The following CLASP2 variants were observed in gnomAD, a reference collection of about 807,000 sequenced individuals.
The protein encoded by CLASP2 is cytoplasmic linker associated protein 2, also known as CLIP-associating protein 2.
In CLASP2, 47 loss-of-function variants were observed where a neutral mutation model predicts 194.4. That is an observed-to-expected ratio of 0.24 (90% confidence interval 0.19 to 0.31). The LOEUF is 0.31. Among genes scored for constraint, CLASP2 ranks in the 10% least tolerant of loss-of-function variants. The pLI, the probability that CLASP2 is intolerant of heterozygous loss-of-function variation, is 1.00. For missense variants in CLASP2, 1,445 were observed against 1,823.6 expected (o/e 0.79, Z 3.78); for synonymous variants, 619 against 633.5 (o/e 0.98, Z 0.34).
In CLASP2 at chr3:33,663,435, T is replaced by A. The variant is rs759090936; in HGVS notation, c.715+10A>T. ...GTCTTAGAAATGTTTGAGAGCTTAA[T>A]TACTCTTACCTTTGCAGACACTCAA... On this transcript the variant is annotated intron_variant, in intron 7 of 38. Transcript: ENST00000682230. 1 of 1,606,634 alleles carries A rather than the reference T, an allele frequency of 6.2e-7. No homozygotes were observed. The highest frequency in any genetic ancestry group is 1.3e-5 in the African/African-American group (1 of 74,842).
At chr3:33,652,545 T>C (rs566593872) in intron 7 of CLASP2, among the ~76,000 whole-genome samples, 26 of 152,214 alleles carry the variant, frequency 1.7e-4, no homozygotes, top group Non-Finnish European at 3.1e-4. Context: ...CAATTAAATG[T>C]TGAATATTCT....
intron 32 of CLASP2, among the ~76,000 whole-genome samples, chr3:33,540,522 G>A (rs1473440036): frequency 6.6e-6 from 1 of 152,074 alleles, no homozygotes; most frequent in African/African-American, 2.4e-5. Flanking sequence ...GATTGCAAGT[G>A]TGAGCCATTC....
At chr3:33,503,949 C>T (rs769379240) in intron 37 of CLASP2, 3 of 152,168 alleles carry the variant, frequency 2.0e-5, no homozygotes, top group African/African-American at 7.2e-5. Context: ...CATCTTTTCA[C>T]GTACTTGCTG....
chr3:33,637,622 T>C (rs1008670561), intron 8 of CLASP2, among the ~76,000 whole-genome samples: 3 of 152,218 alleles, frequency 2.0e-5, no homozygotes, highest in African/African-American at 7.2e-5. Flanking sequence ...TTCATTTACA[T>C]TTCCCAGAGA....
chr3:33,589,169 A>G (rs2068082693), intron 21 of CLASP2, among the ~76,000 whole-genome samples: 1 of 150,692 alleles, frequency 6.6e-6, no homozygotes, highest in South Asian at 2.1e-4. Flanking sequence ...AAGATGCACC[A>G]AGAAAAACAA....
chr3:33,513,348 T>G (rs2050446004), intron 36 of CLASP2, among the ~76,000 whole-genome samples: 1 of 151,944 alleles, frequency 6.6e-6, no homozygotes, highest in Non-Finnish European at 1.5e-5. Context: ...AGACCAGCCT[T>G]GCAAACACAG....
At chr3:33,670,450 G>A (rs578215887) in intron 6 of CLASP2, among the ~76,000 whole-genome samples, 1 of 152,280 alleles carries the variant, frequency 6.6e-6, no homozygotes, top group South Asian at 2.1e-4. Context: ...TTTTTAAAAA[G>A]TAATTCCTGC....
intron 10 of CLASP2, 60 bp from the exon 11 acceptor site, chr3:33,622,340 C>T (rs1355724686): frequency 2.2e-5 from 29 of 1,318,542 alleles, no homozygotes; most frequent in Non-Finnish European, 9.9e-6. Context: ...AAAGAAGCTA[C>T]CTAAACTTCA....
chr3:33,610,295 T>C (rs2074875299), intron 13 of CLASP2, among the ~76,000 whole-genome samples: 1 of 152,176 alleles, frequency 6.6e-6, no homozygotes, highest in South Asian at 2.1e-4. Flanking sequence ...AAAATTCCTT[T>C]TCATAACATT....
intron 7 of CLASP2, chr3:33,659,466 T>G: frequency 4.3e-6 from 4 of 939,490 alleles, no homozygotes; most frequent in Non-Finnish European, 5.1e-6. Context: ...GATTAACTGA[T>G]TTGCGCCTTT....
intron 7 of CLASP2, among the ~76,000 whole-genome samples, chr3:33,654,068 A>G (rs769410677): frequency 6.6e-6 from 1 of 152,110 alleles, no homozygotes; most frequent in Non-Finnish European, 1.5e-5. Context: ...CTACTGAAGA[A>G]TAACACCGTT....
intron 12 of CLASP2, among the ~76,000 whole-genome samples, chr3:33,614,988 C>A (rs1262163518): frequency 6.6e-6 from 1 of 151,840 alleles, no homozygotes; most frequent in Non-Finnish European, 1.5e-5. Context: ...ACAACAACAA[C>A]AAAATTTGTG....
At chr3:33,564,238 A>G (rs2062269363) in intron 27 of CLASP2, among the ~76,000 whole-genome samples, 3 of 152,204 alleles carry the variant, frequency 2.0e-5, no homozygotes, top group South Asian at 4.1e-4. Context: ...TATCAATGAA[A>G]TCAAGTGAAA....
At chr3:33,570,589 CCAAA>C (rs1236875209) in intron 26 of CLASP2, 134 bp downstream of exon 26, 4 of 1,099,104 alleles carry the variant, frequency 3.6e-6, no homozygotes, top group African/African-American at 1.6e-5. Context: ...ACGTATGATA[CCAAA>C]CAATTTTAAT....
At chr3:33,709,638 T>G (rs920387821) in intron 1 of CLASP2, among the ~76,000 whole-genome samples, 1 of 151,578 alleles carries the variant, frequency 6.6e-6, no homozygotes, top group Non-Finnish European at 1.5e-5. Flanking sequence ...AGCTGGAAAA[T>G]TCTCCCCTGA....
chr3:33,676,738 A>G (rs1242871359), intron 6 of CLASP2, among the ~76,000 whole-genome samples: 1 of 152,226 alleles, frequency 6.6e-6, no homozygotes, highest in Non-Finnish European at 1.5e-5. Context: ...CTGCACAGCA[A>G]AAGAAACTAC....
chr3:33,652,017 T>G (rs900646543), intron 7 of CLASP2, among the ~76,000 whole-genome samples: 1 of 152,138 alleles, frequency 6.6e-6, no homozygotes, highest in East Asian at 1.9e-4. Flanking sequence ...CTTCTCAAAT[T>G]CATATAAACT....
chr3:33,638,863 C>G (rs1343210968), intron 8 of CLASP2, among the ~76,000 whole-genome samples: 1 of 152,174 alleles, frequency 6.6e-6, no homozygotes, highest in African/African-American at 2.4e-5. Flanking sequence ...TAACATTTCA[C>G]TCTTTTCTGA....
chr3:33,565,509 T>G lies in CLASP2; in HGVS notation c.2766+1223A>C, dbSNP rs62252153. On this transcript the variant is annotated intron_variant, in intron 27 of 38. Coordinates refer to ENST00000682230, the MANE Select transcript of CLASP2 (RefSeq NM_001365631.1). The stretch of plus-strand genomic sequence containing the variant: ...AACATTTTATTTTCTCTAGTTTACT[T>G]TATTATAATAATACAGTATATAGGC... Among the ~76,000 whole-genome samples, 478 of 152,168 alleles carry G rather than the reference T, an allele frequency of 3.1e-3. 1 individual carries two copies. The highest frequency in any genetic ancestry group is 5.5e-3 in the Non-Finnish European group (374 of 67,924).
Sources: allele counts gnomAD v4.1 joint callset (sites outside exome capture counted in the v4.1 genomes callset), GRCh38; gene constraint gnomAD v4.1.1; transcripts MANE v1.5; gene names NCBI Gene and HGNC (gene_info 2026-07-23, HGNC 2026-07-21).